Variants in HSPD1 observed in about 807,000 individuals in gnomAD.
HSPD1 encodes the protein heat shock protein family D (Hsp60) member 1, also known as 60 kDa heat shock protein, mitochondrial.
Under a neutral mutation model 53.0 loss-of-function variants are expected in HSPD1, and 3 were observed. The ratio of observed to expected loss-of-function variants is 0.06; its 90% CI spans 0.03 to 0.15. HSPD1 has a LOEUF of 0.15. HSPD1 is among the 10% of genes least tolerant of loss of function. The pLI is 1.00. For missense variants in HSPD1, 431 were observed against 694.1 expected (o/e 0.62, Z 4.26); for synonymous variants, 200 against 228.0 (o/e 0.88, Z 1.10).
intron 8 of HSPD1, among the ~76,000 whole-genome samples, chr2:197,489,640 G>A (rs980327183): frequency 6.6e-6 from 1 of 152,068 alleles, no homozygotes; most frequent in Non-Finnish European, 1.5e-5. Flanking sequence ...CAGGCATATT[G>A]CTTGAGTCCA....
chr2:197,496,294 C>T (rs540400207), intron 3 of HSPD1, among the ~76,000 whole-genome samples: 1 of 152,314 alleles, frequency 6.6e-6, no homozygotes, highest in South Asian at 2.1e-4. Flanking sequence ...AAGTCCTCTT[C>T]ATAACCTTAA....
chr2:197,499,042 GC>G (rs2086200528), intron 1 of HSPD1, 192 bp from the exon 2 acceptor site: 4 of 643,198 alleles, frequency 6.2e-6, no homozygotes, highest in East Asian at 5.5e-5. Context: ...TAAAGAGGCC[GC>G]CCCGGCCGGC....
chr2:197,487,178 C>G lies in HSPD1; in HGVS notation c.1590G>C (p.Leu530Phe). ...DPTKVVRTAL[L>F]DAAGVASLLT... ...ACAGAGAGGCCACACCAGCAGCATC[C>G]AATAAAGCAGTTCTCACAACCTAGA... Residue 530 changes from leucine (L) to phenylalanine (F), a missense_variant, in exon 12 of 12, where the codon TTG becomes TTC. Physicochemically the swap from Leu to Phe is conservative, Grantham distance 22 (BLOSUM62 0). Coordinates refer to ENST00000388968, the MANE Select transcript of HSPD1 (RefSeq NM_002156.5). The G allele has an allele frequency of 6.2e-7, 1 of 1,613,202 alleles. No homozygotes were observed. Among genetic ancestry groups the G allele is most frequent in the South Asian group, 1.1e-5 (1 of 91,036 alleles).
rs1017732899 is a variant in HSPD1 at position 197,497,491 on chromosome 2, T to C, written c.175-99A>G. Reference sequence around the variant, plus strand: ...ATAATAAAGCAACTACTTCAAAGTCTCAACGTAAGTTGTGTCATTTTTATC... The same window carrying C: ...ATAATAAAGCAACTACTTCAAAGTCCCAACGTAAGTTGTGTCATTTTTATC... On this transcript the variant is annotated intron_variant, in intron 2 of 11. Transcript: ENST00000388968. 9.1e-6 allele frequency: 11 copies of C among 1,211,180 alleles called. No homozygotes were observed. The African/African-American group carries it at 1.6e-4, about 18-fold the overall frequency. 75.0% of individuals were successfully genotyped at this position (1,211,180 alleles called of 1,614,324 possible). A position where few individuals can be genotyped will look rare whatever the true frequency, so the allele number is the denominator to read the frequency against.
rs777031722 is a variant in HSPD1 at position 197,487,027 on chromosome 2, TA to T, written c.*18del. 8 of 1,167,334 alleles carry T rather than the reference TA, an allele frequency of 6.9e-6. No homozygotes were observed. The African/African-American group carries it at 1.1e-4, about 15-fold the overall frequency. The allele number at this position is 1,167,334 out of a possible 1,614,324, so 72.3% of individuals were successfully genotyped here. A position where few individuals can be genotyped will look rare whatever the true frequency, so the allele number is the denominator to read the frequency against. On this transcript the variant is annotated 3_prime_UTR_variant, in exon 12 of 12. Transcript: ENST00000388968. Reference sequence around the variant, plus strand: ...TCCTGTCACAGTTCATTAATAAAGGTAAAGCACTAGTCTAGGAGTTAGAACA... The same window carrying T: ...TCCTGTCACAGTTCATTAATAAAGGTAAGCACTAGTCTAGGAGTTAGAACA...
rs760966821 is a variant in HSPD1, at chr2:197,498,864, C to T, written c.-2-14G>A. On this transcript the variant is annotated splice_polypyrimidine_tract_variant and intron_variant, in intron 1 of 11. Transcript: ENST00000388968. The stretch of plus-strand genomic sequence containing the variant: ...ACCGAAGCATTTCTGGGGATGGAAG[C>T]AAAAAGATCATCAGAACTACCACCC... The T allele has an allele frequency of 6.2e-7, 1 of 1,613,398 alleles. No homozygotes were observed. The highest frequency in any genetic ancestry group is 8.5e-7 in the Non-Finnish European group (1 of 1,179,468).
At chr2:197,487,281 C>T in intron 11 of HSPD1, 83 bp from the exon 12 acceptor site, 1 of 1,239,990 alleles carries the variant, frequency 8.1e-7, no homozygotes, top group Non-Finnish European at 1.2e-6. Context: ...GGCATGGTGG[C>T]TCACACCTGT....
chr2:197,495,478 T>G, intron 3 of HSPD1, 102 bp from the exon 4 acceptor site: 1 of 758,648 alleles, frequency 1.3e-6, no homozygotes, highest in Non-Finnish European at 2.2e-6. Flanking sequence ...TGCCTTAACT[T>G]AAAAAAAAAA....
rs560110701 is a variant in HSPD1 at position 197,495,621 on chromosome 2, T to G, written c.428-245A>C. Among the ~76,000 whole-genome samples the G allele has an allele frequency of 3.7e-4, 57 of 152,126 alleles. 1 individual carries two copies. The highest frequency in any genetic ancestry group is 1.3e-3 in the African/African-American group (53 of 41,518). Reference sequence around the variant, plus strand: ...CTGAGACCACAGGCTCAAGCCACCATGCTCAGCTTCTTTTATTTTTGTAGA... The same window carrying G: ...CTGAGACCACAGGCTCAAGCCACCAGGCTCAGCTTCTTTTATTTTTGTAGA... On this transcript the variant is annotated intron_variant, in intron 3 of 11. Transcript: ENST00000388968.
intron 3 of HSPD1, among the ~76,000 whole-genome samples, chr2:197,495,901 C>G (rs997176264): frequency 4.6e-5 from 7 of 152,126 alleles, no homozygotes; most frequent in African/African-American, 1.7e-4. Flanking sequence ...GAAAATAGGA[C>G]TAAAACAAGG....
intron 2 of HSPD1, 144 bp from the exon 3 acceptor site, chr2:197,497,536 C>A: frequency 1.3e-6 from 1 of 778,548 alleles, no homozygotes. Flanking sequence ...GCATGAACCT[C>A]AAGGGCAAGT....
chr2:197,499,674 G>C (rs561165904), intron 1 of HSPD1, 108 bp downstream of exon 1: 2 of 152,166 alleles, frequency 1.3e-5, no homozygotes, highest in Admixed American at 6.5e-5. Flanking sequence ...GGCGCGGTGC[G>C]GAACTCCAGG....
At chr2:197,495,068 T>G in intron 4 of HSPD1, 3 of 604,392 alleles carry the variant, frequency 5.0e-6, no homozygotes, top group Non-Finnish European at 8.9e-6. Flanking sequence ...ATCATATGAA[T>G]CCATTTTACA....
chr2:197,494,082 G>A, intron 6 of HSPD1, 75 bp downstream of exon 6: 1 of 781,414 alleles, frequency 1.3e-6, no homozygotes. Context: ...CTGCACTCCA[G>A]CCGGGGCAAC....
chr2:197,495,580 G>A (rs867512036), intron 3 of HSPD1, among the ~76,000 whole-genome samples: 1 of 151,608 alleles, frequency 6.6e-6, no homozygotes, highest in South Asian at 2.1e-4. Flanking sequence ...CTGACATCCT[G>A]GGCTCAAGGG....
upstream of HSPD1, chr2:197,500,196 C>CT (rs1401108273): frequency 3.4e-6 from 2 of 594,596 alleles, no homozygotes; most frequent in Middle Eastern, 4.6e-4. Flanking sequence ...GAAACAGCTC[C>CT]TTTTTTCTTC....
chr2:197,498,273 CA>C lies in HSPD1; in HGVS notation c.174+401del, dbSNP rs990751859. 3.3e-5 allele frequency among the ~76,000 whole-genome samples: 5 copies of C among 151,080 alleles called. No homozygotes were observed. In the South Asian group the frequency reaches 8.4e-4, roughly 25 times the overall value. ...TTGTGTACATTTTACTACAATAAAC[CA>C]AAAAAAAATTTAGCATCTACAAGCA... is the stretch of plus-strand genomic sequence containing the variant. On this transcript the variant is annotated intron_variant, in intron 2 of 11. Coordinates refer to ENST00000388968, the MANE Select transcript of HSPD1 (RefSeq NM_002156.5).
At position 197,488,421 on chromosome 2, in the gene HSPD1, C is replaced by G. The variant is rs1390612760; in HGVS notation, c.1286G>C (p.Arg429Thr). 6.2e-7 allele frequency: 1 copy of G among 1,613,466 alleles called. No individual in the cohort carries two copies. Among genetic ancestry groups the G allele is most frequent in the African/African-American group, 1.3e-5 (1 of 74,902 alleles). ...DRVTDALNAT[R>T]AAVEEGIVLG... ...AACAATGCCTTCTTCAACAGCAGCT[C>G]TTGTAGCATTAAGGGCATCTGTAAC... The change falls in exon 10 of 12, where the codon AGA becomes ACA. Residue 429 changes from arginine (R) to threonine (T), a missense_variant. By Grantham distance (71) the Arg-to-Thr change is moderately conservative. Transcript: ENST00000388968.
At chr2:197,491,184 T>G (rs569622291) in intron 7 of HSPD1, among the ~76,000 whole-genome samples, 66 of 149,256 alleles carry the variant, frequency 4.4e-4, no homozygotes, top group East Asian at 3.1e-3. Context: ...AGTCTTTTTT[T>G]TGTGTGTTTT....
Sources: gnomAD v4.1 joint callset for allele counts (sites outside exome capture counted in the v4.1 genomes callset) on GRCh38, gnomAD v4.1.1 for gene constraint, MANE v1.5 for transcripts, NCBI Gene and HGNC (gene_info 2026-07-23, HGNC 2026-07-21) for gene names.